The following ARAP2 variants were observed in gnomAD, a reference collection of about 807,000 sequenced individuals.
The protein encoded by ARAP2 is arf-GAP with Rho-GAP domain, ANK repeat and PH domain-containing protein 2.
Under a neutral mutation model 194.5 loss-of-function variants are expected in ARAP2, and 148 were observed. That is an observed-to-expected ratio of 0.76 (90% CI 0.67 to 0.87). ARAP2 has a LOEUF of 0.87. Among genes scored for constraint, ARAP2 ranks in the 40% least tolerant of loss-of-function variants. The pLI is 0.00. For synonymous variants in ARAP2, 695 were observed against 683.5 expected, an observed-to-expected ratio of 1.02 and a Z score of -0.26; for missense variants, 2,128 against 1,989.7, an observed-to-expected ratio of 1.07 and a Z score of -1.32.
intron 1 of ARAP2, among the ~76,000 whole-genome samples, chr4:36,240,033 T>A (rs1560750614): frequency 6.6e-6 from 1 of 152,182 alleles, no homozygotes; most frequent in Non-Finnish European, 1.5e-5. Context: ...GCTTCCCCAC[T>A]TTTTAACTAT....
At chr4:36,007,959 T>C (rs1713648110) in intron 9 of ARAP2, among the ~76,000 whole-genome samples, 1 of 151,242 alleles carries the variant, frequency 6.6e-6, no homozygotes, top group Admixed American at 6.6e-5. Flanking sequence ...ACAGAGAGAA[T>C]GAAATGCCTA....
intron 8 of ARAP2, among the ~76,000 whole-genome samples, chr4:36,185,165 T>C (rs1560615519): frequency 6.6e-6 from 1 of 152,216 alleles, no homozygotes; most frequent in Non-Finnish European, 1.5e-5. Context: ...AACAAGACTT[T>C]ATTTACCAAA....
intron 24 of ARAP2, among the ~76,000 whole-genome samples, chr4:36,119,386 G>T (rs1722139213): frequency 6.6e-6 from 1 of 151,402 alleles, no homozygotes; most frequent in South Asian, 2.1e-4. Flanking sequence ...TTCAGTCATG[G>T]TTTTATACAC....
At chr4:36,113,027 A>G (rs1720422478) in intron 26 of ARAP2, among the ~76,000 whole-genome samples, 1 of 151,972 alleles carries the variant, frequency 6.6e-6, no homozygotes, top group South Asian at 2.1e-4. Context: ...GAGAATCTAC[A>G]AAAGAGGTAA....
chr4:36,138,625 T>G (rs1727430519), intron 19 of ARAP2, among the ~76,000 whole-genome samples: 1 of 151,684 alleles, frequency 6.6e-6, no homozygotes. Context: ...AAAAATCATT[T>G]GGGGTCTCCT....
At chr4:36,021,755 A>C (rs185265090) in intron 5 of ARAP2, among the ~76,000 whole-genome samples, 6 of 152,126 alleles carry the variant, frequency 3.9e-5, no homozygotes, top group Admixed American at 3.9e-4. Flanking sequence ...AGAAACTAAA[A>C]TTGGTGATTT....
intron 9 of ARAP2, among the ~76,000 whole-genome samples, chr4:36,174,289 G>A (rs529399304): frequency 6.6e-6 from 1 of 152,288 alleles, no homozygotes; most frequent in Non-Finnish European, 1.5e-5. Context: ...CAAAACATAA[G>A]CAGAGATAAG....
chr4:36,064,739 G>C (rs545302624), downstream of ARAP2, among the ~76,000 whole-genome samples: 1 of 152,198 alleles, frequency 6.6e-6, no homozygotes, highest in Non-Finnish European at 1.5e-5. Context: ...GAAGTCCATG[G>C]ACCCAGGTAG....
chr4:36,140,702 C>T (rs1367923101), intron 19 of ARAP2, among the ~76,000 whole-genome samples: 1 of 151,654 alleles, frequency 6.6e-6, no homozygotes, highest in Non-Finnish European at 1.5e-5. Flanking sequence ...GAAAACTAAA[C>T]TTAGGGTGCT....
intron 15 of ARAP2, among the ~76,000 whole-genome samples, chr4:36,153,168 C>T (rs778417357): frequency 6.6e-6 from 1 of 152,134 alleles, no homozygotes; most frequent in Non-Finnish European, 1.5e-5. Flanking sequence ...ATTTCTGTAA[C>T]CATTTCTTAG....
intron 5 of ARAP2, among the ~76,000 whole-genome samples, chr4:36,035,768 G>A (rs991712254): frequency 6.6e-6 from 1 of 151,962 alleles, no homozygotes; most frequent in Non-Finnish European, 1.5e-5. Flanking sequence ...TTCTCTTATT[G>A]TATTACATTT....
At chr4:36,017,567 A>AAAAAAAAAAAAAAAAAC in intron 6 of ARAP2, among the ~76,000 whole-genome samples, 1 of 145,042 alleles carries the variant, frequency 6.9e-6, no homozygotes, top group Non-Finnish European at 1.5e-5. Context: ...AAAGTGGTAA[A>AAAAAAAAAAAAAAAAAC]AAAAAAAAAA....
intron 9 of ARAP2, among the ~76,000 whole-genome samples, chr4:36,172,918 C>A (rs73125382): frequency 6.6e-6 from 1 of 152,154 alleles, no homozygotes; most frequent in African/African-American, 2.4e-5. Context: ...TTCTGTGCCA[C>A]ACAACCCATC....
intron 22 of ARAP2, 30 bp downstream of exon 22, chr4:36,124,832 A>C (rs1418652576): frequency 7.3e-7 from 1 of 1,373,970 alleles, no homozygotes; most frequent in African/African-American, 1.4e-5. Flanking sequence ...TGTGTTTGAA[A>C]TGTCGAGAAA....
chr4:36,190,631 T>C (rs1310352713), intron 7 of ARAP2, among the ~76,000 whole-genome samples: 1 of 152,232 alleles, frequency 6.6e-6, no homozygotes, highest in Non-Finnish European at 1.5e-5. Flanking sequence ...AGTTTGTTTT[T>C]CTTCTGAATT....
intron 8 of ARAP2, among the ~76,000 whole-genome samples, chr4:36,180,585 T>C (rs1046073511): frequency 1.3e-5 from 2 of 152,234 alleles, no homozygotes; most frequent in African/African-American, 4.8e-5. Flanking sequence ...ATAATGGTTT[T>C]TGTTTGTTTC....
rs1191570024 is a variant in ARAP2, at chr4:36,214,432, C to T, written c.954G>A (p.Val318=). The change falls in exon 3 of 33, where the codon GTG becomes GTA. Residue 318 remains valine (V), a synonymous_variant. Coordinates refer to ENST00000303965, the MANE Select transcript of ARAP2 (RefSeq NM_015230.4). ...RNVATSTEKS[V]AWQNSNEENS... ...AACACATAGACTCACTTTGCCATGC[C>T]ACAGATTTTTCAGTTGAGGTAGCAA... The T allele has an allele frequency of 1.3e-6, 2 of 1,594,254 alleles. No individual in the cohort carries two copies. Among genetic ancestry groups the T allele is most frequent in the African/African-American group, 2.7e-5 (2 of 74,222 alleles).
intron 6 of ARAP2, among the ~76,000 whole-genome samples, chr4:36,204,163 C>A (rs1381147201): frequency 6.6e-6 from 1 of 152,002 alleles, no homozygotes; most frequent in Non-Finnish European, 1.5e-5. Context: ...ATCAGGAATT[C>A]TAGAAAGAAG....
chr4:36,239,500 G>A (rs1189750164), intron 1 of ARAP2, among the ~76,000 whole-genome samples: 2 of 152,128 alleles, frequency 1.3e-5, no homozygotes, highest in African/African-American at 2.4e-5. Flanking sequence ...GAACCTTGAA[G>A]GTCATTATGC....
Sources: allele counts gnomAD v4.1 joint callset (sites outside exome capture counted in the v4.1 genomes callset), GRCh38; gene constraint gnomAD v4.1.1; transcripts MANE v1.5; gene names NCBI Gene and HGNC (gene_info 2026-07-23, HGNC 2026-07-21).